Variants in HRNR observed in about 807,000 individuals in gnomAD.
HRNR encodes filaggrin family member 3.
In HRNR, 7 loss-of-function variants were observed where a neutral mutation model predicts 4.8. That is an observed-to-expected ratio of 1.47 (90% CI 0.83 to 2.75). HRNR has a LOEUF of 2.75. HRNR is among the 30% of genes most tolerant of loss of function. The pLI is 0.00. For synonymous variants in HRNR, 1,023 were observed against 1,242.7 expected, an observed-to-expected ratio of 0.82 and a Z score of 3.72; for missense variants, 2,879 against 3,010.4, an observed-to-expected ratio of 0.96 and a Z score of 1.02.
chr1:152,213,113 T>A lies in HRNR; in HGVS notation c.8516A>T (p.Glu2839Val), dbSNP rs747053932. 7 of 1,613,852 alleles carry A rather than the reference T, an allele frequency of 4.3e-6. No individual in the cohort carries two copies. The highest frequency in any genetic ancestry group is 3.3e-5 in the Admixed American group (2 of 60,024). ...GTAGCACCTCTGCTCTTGGACATAT[T>A]CATAGGGTGAAGTGCTACTAGGAAA... ...LSFPSSTSPY[E>V]YVQEQRCYFY... Residue 2839 changes from glutamate (E) to valine (V), a missense_variant, in exon 3 of 3, where the codon GAA (glutamate) becomes GTA (valine). Glu to Val is a moderately radical substitution (Grantham distance 121). Transcript: ENST00000368801.
In HRNR at chr1:152,219,268, G is replaced by A. The variant is rs1242629708; in HGVS notation, c.2361C>T (p.His787=). 1 of 1,611,804 alleles carries A rather than the reference G, an allele frequency of 6.2e-7. No homozygotes were observed. Among genetic ancestry groups the A allele is most frequent in the Admixed American group, 1.7e-5 (1 of 59,842 alleles). ...SRVRHGSSSG[H]SSSHGQHGSG... ...ACCCGTGTTGGCCGTGGCTGGAGGA[G>A]TGCCCTGAACTGGACCCATGTCGGA... Residue 787 remains histidine (H), a synonymous_variant, in exon 3 of 3, where the codon CAC becomes CAT. Coordinates refer to ENST00000368801, the MANE Select transcript of HRNR (RefSeq NM_001009931.3).
rs151029388 is a variant in HRNR, at chr1:152,220,729, C to T, written c.900G>A (p.Gly300=). 108 of 1,613,478 alleles carry T rather than the reference C, an allele frequency of 6.7e-5. 1 individual carries two copies. The Middle Eastern group carries it at 8.2e-4, about 12-fold the overall frequency. The change falls in exon 3 of 3, where the codon GGG becomes GGA. Residue 300 remains glycine (G), a synonymous_variant. Coordinates refer to ENST00000368801, the MANE Select transcript of HRNR (RefSeq NM_001009931.3). Reference sequence around the variant, plus strand: ...GGCTAGGAGACTGGCGAGATCCAGACCCTTGTCGGCCGTGGCCCAAAGACT... The same window carrying T: ...GGCTAGGAGACTGGCGAGATCCAGATCCTTGTCGGCCGTGGCCCAAAGACT... ...SRQSLGHGRQ[G]SGSRQSPSHV... is the part of the protein sequence containing the mutation.
chr1:152,213,049 T>A lies in HRNR; in HGVS notation c.*27A>T. On this transcript the variant is annotated 3_prime_UTR_variant, in exon 3 of 3. Transcript: ENST00000368801. ...CTTTCCTATTTCTTAAATTGCTACTTGAGTAAATTGCATTTATGTTTATTA... is the reference window on the plus strand; with the variant it reads ...CTTTCCTATTTCTTAAATTGCTACTAGAGTAAATTGCATTTATGTTTATTA... 2 of 1,587,188 alleles carry A rather than the reference T, an allele frequency of 1.3e-6. No homozygotes were observed. Among genetic ancestry groups the A allele is most frequent in the Admixed American group, 3.6e-5 (2 of 56,036 alleles).
rs1450241931 is a variant in HRNR, at chr1:152,220,764, C to T, written c.865G>A (p.Gly289Ser). ...CCGTGGCCCAAAGACTGACGGGAAC[C>T]AGACCCATGCTGACCATAGCTGGAA... is the stretch of plus-strand genomic sequence containing the variant. The part of the protein sequence containing the change: ...SSSSYGQHGS[G>S]SRQSLGHGRQ... The change falls in exon 3 of 3, where the codon GGT (glycine) becomes AGT (serine). Residue 289 changes from glycine to serine, a missense_variant. By Grantham distance (56) the Gly-to-Ser change is moderately conservative. Around this residue, in one of 8 missense-constraint regions of HRNR, gnomAD observed 2,646 missense variants for 1,377.7 expected, o/e 1.92. Transcript: ENST00000368801. The T allele has an allele frequency of 6.2e-7, 1 of 1,614,052 alleles. No homozygotes were observed. The highest frequency in any genetic ancestry group is 8.5e-7 in the Non-Finnish European group (1 of 1,180,050).
Position 152,219,372 on chromosome 1 carries a change from C to G in HRNR, c.2257G>C (p.Gly753Arg). 6.2e-7 allele frequency: 1 copy of G among 1,614,072 alleles called. No individual in the cohort carries two copies. Among genetic ancestry groups the G allele is most frequent in the South Asian group, 1.1e-5 (1 of 91,078 alleles). The change falls in exon 3 of 3, where the codon GGT (glycine) becomes CGT (arginine). Residue 753 changes from glycine (G) to arginine (R), a missense_variant. By Grantham distance (125) the Gly-to-Arg change is moderately radical. Around this residue, in one of 8 missense-constraint regions of HRNR, gnomAD observed 2,646 missense variants for 1,377.7 expected, o/e 1.92. Transcript: ENST00000368801. ...TGATGGGAGCCCGACCCATGCTGAC[C>G]ATAGCTGGAAGACAAACCTGAGCTA... is the stretch of plus-strand genomic sequence containing the variant. ...GSSSGLSSSY[G>R]QHGSGSHQSS...
rs1212248508 is a variant in HRNR, at chr1:152,220,628, C to A, written c.1001G>T (p.Ser334Ile). The A allele has an allele frequency of 6.2e-7, 1 of 1,612,498 alleles. No homozygotes were observed. Among genetic ancestry groups the A allele is most frequent in the South Asian group, 1.1e-5 (1 of 90,902 alleles). ...QHGSGSSYSY[S>I]RGHYESGSGQ... is the part of the protein sequence containing the mutation. ...TGAGCCAGACTCATAATGGCCACGG[C>A]TGTAAGAGTAACTTGAGCCAGACCC... The change falls in exon 3 of 3, where the codon AGC (serine) becomes ATC (isoleucine). Residue 334 changes from serine (S) to isoleucine (I), a missense_variant. By Grantham distance (142) the Ser-to-Ile change is moderately radical. This residue lies in a region of HRNR where 2,646 missense variants were observed against 1,377.7 expected (regional missense o/e 1.92). Coordinates refer to ENST00000368801, the MANE Select transcript of HRNR (RefSeq NM_001009931.3).
rs749000995 is a variant in HRNR at position 152,218,935 on chromosome 1, A to C, written c.2694T>G (p.Ser898=). 2 of 1,613,772 alleles carry C rather than the reference A, an allele frequency of 1.2e-6. No homozygotes were observed. Among genetic ancestry groups the C allele is most frequent in the Non-Finnish European group, 1.7e-6 (2 of 1,179,942 alleles). Residue 898 remains serine, a synonymous_variant, in exon 3 of 3, where the codon TCT becomes TCG. Transcript: ENST00000368801. The part of the protein sequence containing the change: ...GQSPGHGQRG[S]GSGQSPSYGR... ...CATAGCTGGGAGACTGCCCTGACCC[A>C]GACCCACGCTGGCCGTGGCCTGGAG...
Position 152,213,001 on chromosome 1 carries a change from T to G in HRNR, c.*75A>C. On this transcript the variant is annotated 3_prime_UTR_variant, in exon 3 of 3. Coordinates refer to ENST00000368801, the MANE Select transcript of HRNR (RefSeq NM_001009931.3). ...CGAATTTCATGATGGATTGCTTGTC[T>G]TTCATGATGAATTCATAGATGACTT... The G allele has an allele frequency of 6.5e-7, 1 of 1,533,268 alleles. No homozygotes were observed. The allele number at this position is 1,533,268 out of a possible 1,614,324, so 95.0% of individuals were successfully genotyped here.
rs191193921 is a variant in HRNR, at chr1:152,212,941, G to C, written c.*135C>G. The C allele has an allele frequency of 9.0e-6, 11 of 1,224,350 alleles. No homozygotes were observed. The East Asian group carries it at 2.8e-4, about 31-fold the overall frequency. The allele number at this position is 1,224,350 out of a possible 1,614,324, so 75.8% of individuals were successfully genotyped here. On this transcript the variant is annotated 3_prime_UTR_variant, in exon 3 of 3. Coordinates refer to ENST00000368801, the MANE Select transcript of HRNR (RefSeq NM_001009931.3). ...ATATGCTACAGTTTTAGGCTCTAAA[G>C]AAAGAGACAGAAATGCATTGATTCA...
chr1:152,213,212 C>T lies in HRNR; in HGVS notation c.8417G>A (p.Gly2806Glu), dbSNP rs913496368. Residue 2806 changes from glycine to glutamate, a missense_variant, in exon 3 of 3, where the codon GGG becomes GAG. Transcript: ENST00000368801. ...TTTGCAATAAGAATACCCATCTTGC[C>T]CTGAGCCACTTCCATGCTGACTATA... The part of the protein sequence containing the change: ...SGYSQHGSGS[G>E]QDGYSYCKGG... 24 of 1,614,022 alleles carry T rather than the reference C, an allele frequency of 1.5e-5. No individual in the cohort carries two copies. Among genetic ancestry groups the T allele is most frequent in the Non-Finnish European group, 1.9e-5 (23 of 1,180,042 alleles).
At position 152,219,816 on chromosome 1, in the gene HRNR, C is replaced by A; in HGVS notation, c.1813G>T (p.Gly605Cys). The A allele has an allele frequency of 1.2e-6, 2 of 1,612,156 alleles. No individual in the cohort carries two copies. Among genetic ancestry groups the A allele is most frequent in the Non-Finnish European group, 1.7e-6 (2 of 1,178,726 alleles). The change falls in exon 3 of 3, where the codon GGT becomes TGT. Residue 605 changes from glycine to cysteine, a missense_variant. Physicochemically the swap from Gly to Cys is radical, Grantham distance 159 (BLOSUM62 -3). Around this residue, in one of 8 missense-constraint regions of HRNR, gnomAD observed 2,646 missense variants for 1,377.7 expected, o/e 1.92. Coordinates refer to ENST00000368801, the MANE Select transcript of HRNR (RefSeq NM_001009931.3). ...TGTTGCCCATGGGTAGAGGAATGAC[C>A]CGAGCTAGATCCGTGTTGACCGTAG... ...SGYGQHGSSS[G>C]HSSTHGQHGS...
rs1403156242 is a variant in HRNR at position 152,220,736 on chromosome 1, CG to C, written c.892del (p.Arg298AspfsTer287). ...AGACTGGCGAGATCCAGACCCTTGT[CG>C]GCCGTGGCCCAAAGACTGACGGGAA... Reference protein sequence around the residue: ...SGSRQSLGHGRQGSGSRQSPS... With the variant: ...SGSRQSLGHGXQGSGSRQSPS... On this transcript the variant is annotated frameshift_variant, in exon 3 of 3. Transcript: ENST00000368801. LOFTEE classifies it low-confidence loss of function (END_TRUNC). 1 of 1,613,490 alleles carries C rather than the reference CG, an allele frequency of 6.2e-7. No homozygotes were observed. Among genetic ancestry groups the C allele is most frequent in the African/African-American group, 1.3e-5 (1 of 74,740 alleles).
At position 152,219,053 on chromosome 1, in the gene HRNR, G is replaced by C; in HGVS notation, c.2576C>G (p.Ser859Cys). 2.5e-6 allele frequency: 4 copies of C among 1,613,964 alleles called. No homozygotes were observed. Among genetic ancestry groups the C allele is most frequent in the African/African-American group, 1.3e-5 (1 of 74,960 alleles). Residue 859 changes from serine to cysteine, a missense_variant, in exon 3 of 3, where the codon TCT becomes TGT. Ser to Cys is a moderately radical substitution (Grantham distance 112). Coordinates refer to ENST00000368801, the MANE Select transcript of HRNR (RefSeq NM_001009931.3). ...GQSSSSGQHD[S>C]SSGQSSSYGQ... ...ATAGCTGGAAGATTGACCTGAGCTA[G>C]AGTCATGTTGGCCGGAGCTTGATGA... is the stretch of plus-strand genomic sequence containing the variant.
chr1:152,218,838 C>T lies in HRNR; in HGVS notation c.2791G>A (p.Gly931Ser), dbSNP rs775186098. The T allele has an allele frequency of 1.4e-5, 23 of 1,612,002 alleles. No homozygotes were observed. Among genetic ancestry groups the T allele is most frequent in the South Asian group, 7.7e-5 (7 of 90,966 alleles). ...RHGSGSGQSS[G>S]FGHKSSSGQS... ...CCTGAGCTAGACTTGTGACCAAAGCCAGAAGACTGGCCTGAGCCAGACCCA... is the reference window on the plus strand; with the variant it reads ...CCTGAGCTAGACTTGTGACCAAAGCTAGAAGACTGGCCTGAGCCAGACCCA... Residue 931 changes from glycine (G) to serine (S), a missense_variant, in exon 3 of 3, where the codon GGC becomes AGC. Gly to Ser is a moderately conservative substitution (Grantham distance 56). Transcript: ENST00000368801.
In HRNR at chr1:152,218,203, G is replaced by A. The variant is rs2101591798; in HGVS notation, c.3426C>T (p.Gly1142=). 1 of 1,444,280 alleles carries A rather than the reference G, an allele frequency of 6.9e-7. No individual in the cohort carries two copies. The highest frequency in any genetic ancestry group is 2.4e-5 in the East Asian group (1 of 42,448). The allele number at this position is 1,444,280 out of a possible 1,614,324, so 89.5% of individuals were successfully genotyped here. A position where few individuals can be genotyped will look rare whatever the true frequency, so the allele number is the denominator to read the frequency against. Residue 1142 remains glycine (G), a synonymous_variant, in exon 3 of 3, where the codon GGC becomes GGT. Coordinates refer to ENST00000368801, the MANE Select transcript of HRNR (RefSeq NM_001009931.3). ...GSGSRQSPSY[G]RHGSGSGRSS... ...ACCGACCGGAGCCAGACCCATGTCGGCCGTAGCTGGGAGACTGCCTTGACC... is the reference window on the plus strand; with the variant it reads ...ACCGACCGGAGCCAGACCCATGTCGACCGTAGCTGGGAGACTGCCTTGACC...
Position 152,218,719 on chromosome 1 carries a change from G to T in HRNR, c.2910C>A (p.Ser970Arg). 1.9e-6 allele frequency: 3 copies of T among 1,613,074 alleles called. No individual in the cohort carries two copies. Among genetic ancestry groups the T allele is most frequent in the Non-Finnish European group, 1.7e-6 (2 of 1,179,628 alleles). ...AACCTGAGCTAGATCCATGTTGTTC[G>T]CTCCTAGATGACTGTCCTGACCTAG... is the stretch of plus-strand genomic sequence containing the variant. ...HGSRSGQSSR[S>R]EQHGSSSGSS... Residue 970 changes from serine to arginine, a missense_variant, in exon 3 of 3, where the codon AGC becomes AGA. Physicochemically the swap from Ser to Arg is moderately radical, Grantham distance 110. Around this residue, in one of 8 missense-constraint regions of HRNR, gnomAD observed 2,646 missense variants for 1,377.7 expected, o/e 1.92. Transcript: ENST00000368801.
At position 152,223,258 on chromosome 1, in the gene HRNR, T is replaced by G. The variant is rs771979619; in HGVS notation, c.-5A>C. ...GCCTTGTAGGAGTTTAGGCATTTTT[T>G]TTTTTGCAAGTTTGAGTAACCTAAA... On this transcript the variant is annotated 5_prime_UTR_variant, in exon 2 of 3. Coordinates refer to ENST00000368801, the MANE Select transcript of HRNR (RefSeq NM_001009931.3). 14 of 1,608,910 alleles carry G rather than the reference T, an allele frequency of 8.7e-6. No homozygotes were observed. The highest frequency in any genetic ancestry group is 1.3e-5 in the African/African-American group (1 of 74,670).
chr1:152,218,554 G>A lies in HRNR; in HGVS notation c.3075C>T (p.Gly1025=). The A allele has an allele frequency of 3.1e-6, 5 of 1,613,880 alleles. No individual in the cohort carries two copies. The highest frequency in any genetic ancestry group is 4.2e-6 in the Non-Finnish European group (5 of 1,179,972). The change falls in exon 3 of 3, where the codon GGC becomes GGT. Residue 1025 remains glycine (G), a synonymous_variant. Transcript: ENST00000368801. ...GSGSGQSSSY[G]PYRSGSGWSS... ...ACCACCCTGAGCCAGACCTATATGG[G>A]CCATAGCTGGAAGACTGCCCGGAAC...
At position 152,220,099 on chromosome 1, in the gene HRNR, A is replaced by G. The variant is rs561515483; in HGVS notation, c.1530T>C (p.Ser510=). The change falls in exon 3 of 3, where the codon AGT becomes AGC. Residue 510 remains serine (S), a synonymous_variant. Coordinates refer to ENST00000368801, the MANE Select transcript of HRNR (RefSeq NM_001009931.3). ...GACCATAGCTGGAAGATGAACCTGC[A>G]CTAGATCCTTGTCGTTCACCCCTAG... The part of the protein sequence containing the change: ...QSSRGERQGS[S]AGSSSSYGQH... The G allele has an allele frequency of 2.5e-5, 41 of 1,612,680 alleles. No homozygotes were observed. The East Asian group carries it at 3.8e-4, about 15-fold the overall frequency.
Sources: allele counts gnomAD v4.1 joint callset, GRCh38; gene constraint gnomAD v4.1.1; regional missense constraint gnomAD v4.1.1; transcripts MANE v1.5; gene names NCBI Gene and HGNC (gene_info 2026-07-23, HGNC 2026-07-21).